NRDC: variants seen among roughly 807,000 people sequenced by gnomAD.
NRDC encodes nardilysin convertase.
NRDC carries 54 observed loss-of-function variants against 147.1 expected under a neutral mutation model. The observed-to-expected ratio is 0.37, with a 90% CI of 0.29 to 0.46. The LOEUF (loss-of-function observed/expected upper bound fraction) is 0.46. Ranked by LOEUF, NRDC falls within the 20% of genes least tolerant of loss-of-function variation. The pLI is 1.00. For missense variants in NRDC, 1,082 were observed against 1,370.6 expected, an observed-to-expected ratio of 0.79 and a Z score of 3.33; for synonymous variants, 440 against 482.1, an observed-to-expected ratio of 0.91 and a Z score of 1.14.
chr1:51,862,456 C>T (rs1054622668), intron 1 of NRDC: 3 of 152,002 alleles, frequency 2.0e-5, no homozygotes, highest in Non-Finnish European at 2.9e-5. Flanking sequence ...AGTGTGGTGG[C>T]TCATGCTTGT....
At position 51,791,619 on chromosome 1, in the gene NRDC, T is replaced by C. The variant is rs926502601; in HGVS notation, c.2919A>G (p.Leu973=). ...YPTCRNTSGI[L]GFSVTVGTQA... ...GAGTCCCCACAGTGACAGAAAATCC[T>C]AGAATCCCGGATGTGTTCCTACAGG... The change falls in exon 27 of 31, where the codon CTA becomes CTG. Residue 973 remains leucine, a synonymous_variant. Transcript: ENST00000352171. The C allele has an allele frequency of 1.2e-6, 2 of 1,613,846 alleles. No homozygotes were observed. Among genetic ancestry groups the C allele is most frequent in the African/African-American group, 2.7e-5 (2 of 74,934 alleles).
At chr1:51,807,636 G>A (rs565836415) in intron 17 of NRDC, among the ~76,000 whole-genome samples, 56 of 152,184 alleles carry the variant, frequency 3.7e-4, no homozygotes, top group African/African-American at 1.3e-3. Context: ...GAGTTCAGCA[G>A]GTCAAGGCTG....
intron 21 of NRDC, among the ~76,000 whole-genome samples, chr1:51,799,717 G>C (rs965643444): frequency 6.6e-6 from 1 of 152,156 alleles, no homozygotes; most frequent in Admixed American, 6.5e-5. Flanking sequence ...TCACGCAAAA[G>C]TATCCTACAG....
At chr1:51,799,338 C>T (rs1679079366) in intron 21 of NRDC, among the ~76,000 whole-genome samples, 1 of 151,650 alleles carries the variant, frequency 6.6e-6, no homozygotes, top group South Asian at 2.1e-4. Context: ...TAACACTATC[C>T]CTCCCCCAGC....
At chr1:51,837,118 A>G (rs554888975) in intron 2 of NRDC, among the ~76,000 whole-genome samples, 2 of 152,298 alleles carry the variant, frequency 1.3e-5, no homozygotes, top group East Asian at 3.9e-4. Context: ...AAAGACAAAA[A>G]AAGGAGAAAA....
chr1:51,828,811 C>T lies in NRDC; in HGVS notation c.867-942G>A, dbSNP rs150544251. ...ACTGCTCACTGCGGCCTCAAACTGC[C>T]GGGTTCAAGCAATCCTCCTGCCTCA... On this transcript the variant is annotated intron_variant, in intron 4 of 30. Coordinates refer to ENST00000352171, the MANE Select transcript of NRDC (RefSeq NM_001101662.2). Among the ~76,000 whole-genome samples the T allele has an allele frequency of 2.5e-3, 383 of 151,348 alleles. 3 individuals are homozygous for T. Among genetic ancestry groups the T allele is most frequent in the African/African-American group, 8.7e-3 (358 of 41,268 alleles).
intron 22 of NRDC, among the ~76,000 whole-genome samples, chr1:51,796,982 C>T (rs971466457): frequency 2.6e-5 from 4 of 151,294 alleles, no homozygotes; most frequent in Admixed American, 6.6e-5. Context: ...GGGCAGATCA[C>T]GAGGTCAGGA....
intron 1 of NRDC, among the ~76,000 whole-genome samples, chr1:51,870,785 ATAATTAG>A (rs1683045683): frequency 6.9e-6 from 1 of 144,120 alleles, no homozygotes; most frequent in Admixed American, 6.7e-5. Flanking sequence ...GACAGTATTA[ATAATTAG>A]TAATTAATAA....
chr1:51,806,559 T>A (rs988428301), intron 18 of NRDC, among the ~76,000 whole-genome samples: 1 of 152,162 alleles, frequency 6.6e-6, no homozygotes, highest in Non-Finnish European at 1.5e-5. Context: ...GAAAGAGAAG[T>A]AGGTGATATA....
intron 22 of NRDC, among the ~76,000 whole-genome samples, chr1:51,797,095 G>C (rs1678962436): frequency 6.6e-6 from 1 of 151,922 alleles, no homozygotes; most frequent in South Asian, 2.1e-4. Context: ...AGCTACTTGG[G>C]AGGCTGAGGC....
intron 1 of NRDC, among the ~76,000 whole-genome samples, chr1:51,870,438 AC>A (rs1683027823): frequency 6.6e-6 from 1 of 152,126 alleles, no homozygotes; most frequent in African/African-American, 2.4e-5. Context: ...ATGCTCAAGA[AC>A]CCACAAATTT....
rs769620707 is a variant in NRDC, at chr1:51,806,926, GATA to G, written c.1991-16_1991-14del. 6 of 1,610,202 alleles carry G rather than the reference GATA, an allele frequency of 3.7e-6. No individual in the cohort carries two copies. Among genetic ancestry groups the G allele is most frequent in the East Asian group, 2.2e-5 (1 of 44,832 alleles). ...GTAAAGTCCGTGGCTAATAAAAGAA[GATA>G]ATAATAATTCACTCAAGTATTTCAG... is the stretch of plus-strand genomic sequence containing the variant. On this transcript the variant is annotated splice_polypyrimidine_tract_variant and intron_variant, in intron 17 of 30. Coordinates refer to ENST00000352171, the MANE Select transcript of NRDC (RefSeq NM_001101662.2).
At chr1:51,847,529 A>T (rs1222818548) in intron 1 of NRDC, among the ~76,000 whole-genome samples, 1 of 152,152 alleles carries the variant, frequency 6.6e-6, no homozygotes, top group African/African-American at 2.4e-5. Context: ...CCCTGCGGGG[A>T]GTCAGCTAAG....
rs367778440 is a variant in NRDC, at chr1:51,792,363, C to G, written c.2823+14G>C. 1 of 1,613,738 alleles carries G rather than the reference C, an allele frequency of 6.2e-7. No individual in the cohort carries two copies. Among genetic ancestry groups the G allele is most frequent in the African/African-American group, 1.3e-5 (1 of 74,908 alleles). The stretch of plus-strand genomic sequence containing the variant: ...GGGCTGCTGAAAACCTCAGCATCTC[C>G]TTTATGCACTTACCACAAGCAGCTC... On this transcript the variant is annotated intron_variant, in intron 25 of 30. Coordinates refer to ENST00000352171, the MANE Select transcript of NRDC (RefSeq NM_001101662.2).
At chr1:51,825,716 T>C (rs951426349) in intron 5 of NRDC, among the ~76,000 whole-genome samples, 2 of 152,246 alleles carry the variant, frequency 1.3e-5, no homozygotes. Context: ...AATCCTTTTA[T>C]CTGGGAATTT....
intron 19 of NRDC, 115 bp from the exon 20 acceptor site, chr1:51,804,079 C>T (rs907344304): frequency 1.1e-6 from 1 of 883,180 alleles, no homozygotes; most frequent in Non-Finnish European, 1.7e-6. Context: ...ATTCTCTACT[C>T]CAGAATGTAA....
intron 9 of NRDC, among the ~76,000 whole-genome samples, 164 bp downstream of exon 9, chr1:51,819,636 G>A (rs529780747): frequency 6.6e-6 from 1 of 152,276 alleles, no homozygotes; most frequent in East Asian, 1.9e-4. Context: ...TCAGTGGTCT[G>A]CTATCTATTA....
intron 22 of NRDC, 54 bp from the exon 23 acceptor site, chr1:51,794,908 C>T: frequency 1.2e-6 from 2 of 1,608,264 alleles, no homozygotes; most frequent in Admixed American, 3.4e-5. Context: ...TCATTTCACC[C>T]AGAATCAGCT....
At chr1:51,869,549 A>C (rs1008869473) in intron 1 of NRDC, among the ~76,000 whole-genome samples, 1 of 152,174 alleles carries the variant, frequency 6.6e-6, no homozygotes, top group Non-Finnish European at 1.5e-5. Context: ...TTCAACAATA[A>C]ATCAGAGAAG....
Sources: allele counts gnomAD v4.1 joint callset (sites outside exome capture counted in the v4.1 genomes callset), GRCh38; gene constraint gnomAD v4.1.1; transcripts MANE v1.5; gene names NCBI Gene and HGNC (gene_info 2026-07-23, HGNC 2026-07-21).